Variants in RABL3 observed in about 807,000 individuals in gnomAD.
RABL3 encodes rab-like protein 3.
In RABL3, 31 loss-of-function variants were observed where a neutral mutation model predicts 31.8. That is an observed-to-expected ratio of 0.97 (90% CI 0.73 to 1.31). The LOEUF (loss-of-function observed/expected upper bound fraction) is 1.31, where lower values mean the gene tolerates loss of function less well. Among genes scored for constraint, RABL3 ranks in the 40% most tolerant of loss-of-function variants. The pLI is 0.00. For synonymous variants in RABL3, 97 were observed against 99.9 expected (o/e 0.97, Z 0.18); for missense variants, 263 against 279.6 (o/e 0.94, Z 0.42).
chr3:120,691,269 T>A (rs1269159426), intron 6 of RABL3, among the ~76,000 whole-genome samples: 1 of 152,216 alleles, frequency 6.6e-6, no homozygotes, highest in East Asian at 1.9e-4. Flanking sequence ...TTTTCAAGAA[T>A]AATAAATTCT....
At chr3:120,718,214 C>T (rs148722966) in intron 2 of RABL3, among the ~76,000 whole-genome samples, 9 of 152,300 alleles carry the variant, frequency 5.9e-5, no homozygotes, top group African/African-American at 2.2e-4. Context: ...ACCTTGAAAA[C>T]ACAACTTCTC....
At chr3:120,720,529 G>A (rs1014746653) in intron 2 of RABL3, among the ~76,000 whole-genome samples, 3 of 152,172 alleles carry the variant, frequency 2.0e-5, no homozygotes, top group Non-Finnish European at 2.9e-5. Flanking sequence ...TGAGAACTAC[G>A]TGACGAATGC....
At chr3:120,719,267 C>A (rs1054691770) in intron 2 of RABL3, among the ~76,000 whole-genome samples, 3 of 152,204 alleles carry the variant, frequency 2.0e-5, no homozygotes, top group African/African-American at 7.2e-5. Context: ...CAGCTCCCAG[C>A]GTGAGCGACA....
chr3:120,689,888 T>A lies in RABL3; in HGVS notation c.646A>T (p.Ile216Phe). The A allele has an allele frequency of 6.2e-7, 1 of 1,611,374 alleles. No individual in the cohort carries two copies. The highest frequency in any genetic ancestry group is 8.5e-7 in the Non-Finnish European group (1 of 1,177,724). The stretch of plus-strand genomic sequence containing the variant: ...CTTTTCCGATCAGGAAAGCCTGGAA[T>A]CTGTAGGCAAGAAAGATAATTGCAT... ...KRYFLREGNQ[I>F]PGFPDRKRFG... Residue 216 changes from isoleucine to phenylalanine, a missense_variant and splice_region_variant, in exon 8 of 8, where the codon ATT (isoleucine) becomes TTT (phenylalanine). Physicochemically the swap from Ile to Phe is conservative, Grantham distance 21. Transcript: ENST00000273375.
intron 6 of RABL3, among the ~76,000 whole-genome samples, chr3:120,691,668 C>T (rs182738442): frequency 9.5e-4 from 145 of 152,216 alleles, no homozygotes; most frequent in Middle Eastern, 3.4e-3. Flanking sequence ...ATAACCCTAT[C>T]GCAAGTTGAG....
intron 2 of RABL3, 132 bp downstream of exon 2, chr3:120,730,564 G>T: frequency 1.6e-6 from 1 of 626,432 alleles, no homozygotes; most frequent in Non-Finnish European, 2.8e-6. Flanking sequence ...ATAGTACCTG[G>T]CACATAGTAT....
intron 2 of RABL3, among the ~76,000 whole-genome samples, chr3:120,721,474 T>A (rs1231928736): frequency 1.3e-5 from 2 of 151,944 alleles, no homozygotes; most frequent in East Asian, 3.9e-4. Flanking sequence ...AATAAAGGGA[T>A]GGAAGAACAT....
chr3:120,731,637 G>C (rs1478923696), intron 1 of RABL3, among the ~76,000 whole-genome samples: 1 of 152,160 alleles, frequency 6.6e-6, no homozygotes, highest in Non-Finnish European at 1.5e-5. Flanking sequence ...GACAAGCATG[G>C]TTGGTATCTT....
chr3:120,685,335 C>T lies in RABL3; in HGVS notation c.*4488G>A, dbSNP rs973209741. Among the ~76,000 whole-genome samples, 3 of 152,262 alleles carry T rather than the reference C, an allele frequency of 2.0e-5. No individual in the cohort carries two copies. Among genetic ancestry groups the T allele is most frequent in the Middle Eastern group, 3.4e-3 (1 of 294 alleles). On this transcript the variant is annotated 3_prime_UTR_variant, in exon 8 of 8. Coordinates refer to ENST00000273375, the MANE Select transcript of RABL3 (RefSeq NM_173825.5). Reference sequence around the variant, plus strand: ...AGATTACCTGATATACTTGATGGTACTGAGCGAGGTTTTACACCTTGGTTG... The same window carrying T: ...AGATTACCTGATATACTTGATGGTATTGAGCGAGGTTTTACACCTTGGTTG...
At chr3:120,729,674 T>C (rs148922012) in intron 2 of RABL3, among the ~76,000 whole-genome samples, 19 of 152,180 alleles carry the variant, frequency 1.2e-4, no homozygotes, top group Non-Finnish European at 2.4e-4. Context: ...TGAAAAACTG[T>C]ATAGATATAT....
intron 4 of RABL3, among the ~76,000 whole-genome samples, chr3:120,704,858 A>G (rs189624424): frequency 2.6e-5 from 4 of 152,242 alleles, no homozygotes; most frequent in Non-Finnish European, 4.4e-5. Flanking sequence ...CAGCCTTGCC[A>G]AGATGGTGAA....
At chr3:120,696,592 A>AACACACACAC (rs3037698) in intron 5 of RABL3, among the ~76,000 whole-genome samples, 2 of 147,466 alleles carry the variant, frequency 1.4e-5, no homozygotes, top group African/African-American at 5.0e-5. Flanking sequence ...AAGTAGGAAT[A>AACACACACAC]ACACACACAC....
At chr3:120,706,195 C>T (rs1222410182) in intron 3 of RABL3, 81 bp from the exon 4 acceptor site, 2 of 854,662 alleles carry the variant, frequency 2.3e-6, no homozygotes, top group African/African-American at 3.3e-5. Context: ...GCTTAGTAAA[C>T]AGAAGCATTA....
intron 3 of RABL3, among the ~76,000 whole-genome samples, chr3:120,708,686 T>C (rs1708578350): frequency 6.6e-6 from 1 of 152,068 alleles, no homozygotes; most frequent in South Asian, 2.1e-4. Flanking sequence ...TCTATTCATA[T>C]ATACCATTGT....
At chr3:120,715,413 C>G (rs6438590) in intron 2 of RABL3, among the ~76,000 whole-genome samples, 34,774 of 152,062 alleles carry the variant, frequency 0.23, 4,703 homozygotes, top group Non-Finnish European at 0.3. Context: ...TGGCACGCAC[C>G]TGTAATCTCA....
intron 6 of RABL3, 71 bp from the exon 7 acceptor site, chr3:120,690,558 A>C (rs917038499): frequency 2.2e-5 from 22 of 998,796 alleles, no homozygotes; most frequent in Admixed American, 1.1e-4. Context: ...AACGACCACT[A>C]ATGGTACTAA....
intron 3 of RABL3, among the ~76,000 whole-genome samples, chr3:120,706,628 T>TTTTTTTTTTTTTTTTTTTG (rs1216005895): frequency 4.0e-5 from 6 of 151,254 alleles, no homozygotes; most frequent in Non-Finnish European, 7.4e-5. Context: ...TGCTATTCTT[T>TTTTTTTTTTTTTTTTTTTG]AGCTGACAAA....
chr3:120,698,645 ACT>A, intron 4 of RABL3, 72 bp from the exon 5 acceptor site: 1 of 1,226,556 alleles, frequency 8.2e-7, no homozygotes, highest in South Asian at 1.6e-5. Flanking sequence ...TTTAAGTGCA[ACT>A]AAGTTACACT....
At chr3:120,727,170 G>GAAACT (rs1472849735) in intron 2 of RABL3, among the ~76,000 whole-genome samples, 1 of 152,082 alleles carries the variant, frequency 6.6e-6, no homozygotes, top group Non-Finnish European at 1.5e-5. Context: ...GATAAGAGCA[G>GAAACT]AAACTAACAA....
Sources: gnomAD v4.1 joint callset for allele counts (sites outside exome capture counted in the v4.1 genomes callset) on GRCh38, gnomAD v4.1.1 for gene constraint, MANE v1.5 for transcripts, NCBI Gene and HGNC (gene_info 2026-07-23, HGNC 2026-07-21) for gene names.